Variants in NT5M observed in about 807,000 individuals in gnomAD.
NT5M encodes the protein 5',3'-nucleotidase, mitochondrial, also known as 5'(3')-deoxyribonucleotidase, mitochondrial.
NT5M carries 22 observed loss-of-function variants against 22.2 expected under a neutral mutation model. The observed-to-expected ratio is 0.99, with a 90% CI of 0.71 to 1.41. NT5M has a LOEUF of 1.41. Ranked by LOEUF, NT5M falls within the 40% of genes most tolerant of loss-of-function variation. NT5M has a pLI of 0.00. For missense variants in NT5M, 322 were observed against 314.8 expected (o/e 1.02, Z -0.17); for synonymous variants, 167 against 133.0 (o/e 1.26, Z -1.76).
intron 3 of NT5M, among the ~76,000 whole-genome samples, chr17:17,340,483 T>G (rs1199664169): frequency 6.6e-6 from 1 of 152,118 alleles, no homozygotes; most frequent in East Asian, 1.9e-4. Context: ...CATATTCATT[T>G]ATTTCTGCTC....
intron 2 of NT5M, 22 bp from the exon 3 acceptor site, chr17:17,323,163 A>G (rs1204358621): frequency 1.2e-6 from 2 of 1,612,362 alleles, no homozygotes; most frequent in South Asian, 1.1e-5. Context: ...TGCAGGCTCA[A>G]CCTCCTTTCT....
chr17:17,326,662 C>T (rs2049273349), intron 3 of NT5M, among the ~76,000 whole-genome samples: 1 of 152,170 alleles, frequency 6.6e-6, no homozygotes, highest in Non-Finnish European at 1.5e-5. Context: ...AGAGGGAGGC[C>T]CATCAGCTGA....
At chr17:17,321,504 C>G (rs961316704) in intron 2 of NT5M, among the ~76,000 whole-genome samples, 1 of 151,680 alleles carries the variant, frequency 6.6e-6, no homozygotes, top group African/African-American at 2.4e-5. Flanking sequence ...GGCTTGGAGT[C>G]TCACCCACAA....
intron 4 of NT5M, among the ~76,000 whole-genome samples, chr17:17,346,595 A>G (rs1024287792): frequency 4.6e-5 from 7 of 152,196 alleles, no homozygotes; most frequent in Non-Finnish European, 1.0e-4. Flanking sequence ...CTGTTGACTG[A>G]GCACTGGCTG....
intron 3 of NT5M, among the ~76,000 whole-genome samples, chr17:17,343,764 T>C (rs777646007): frequency 3.3e-5 from 5 of 152,144 alleles, no homozygotes; most frequent in Non-Finnish European, 7.4e-5. Flanking sequence ...CCTCCTCTGC[T>C]TAAAATCTGC....
At chr17:17,345,264 A>G (rs771245318) in intron 4 of NT5M, 8 of 1,061,844 alleles carry the variant, frequency 7.5e-6, no homozygotes, top group Non-Finnish European at 9.1e-6. Context: ...AGCAATGTGG[A>G]CTGATGCAAT....
intron 3 of NT5M, among the ~76,000 whole-genome samples, chr17:17,323,719 G>A (rs568532321): frequency 7.7e-4 from 117 of 152,318 alleles, no homozygotes; most frequent in South Asian, 3.5e-3. Flanking sequence ...CACTCATGCC[G>A]GAGGGGTCAG....
At chr17:17,314,382 T>C in intron 2 of NT5M, among the ~76,000 whole-genome samples, 1 of 152,058 alleles carries the variant, frequency 6.6e-6, no homozygotes, top group Non-Finnish European at 1.5e-5. Flanking sequence ...TGTGTGAAAA[T>C]GTGTCAGTTG....
chr17:17,317,192 G>A (rs901077956), intron 2 of NT5M, among the ~76,000 whole-genome samples: 15 of 151,626 alleles, frequency 9.9e-5, no homozygotes, highest in African/African-American at 2.7e-4. Flanking sequence ...TGAGACTACA[G>A]GTGCCTGCCA....
Position 17,323,224 on chromosome 17 carries a change from C to T in NT5M, c.408C>T (p.Phe136=). 1 of 1,614,034 alleles carries T rather than the reference C, an allele frequency of 6.2e-7. No individual in the cohort carries two copies. Among genetic ancestry groups the T allele is most frequent in the Non-Finnish European group, 8.5e-7 (1 of 1,179,890 alleles). ...VFICTSPIKM[F]KYCPYEKYAW... is the part of the protein sequence containing the mutation. ...TCTGCACAAGCCCCATCAAGATGTT[C>T]AAGTACTGTCCCTATGAGAAGGTAA... The change falls in exon 3 of 5, where the codon TTC becomes TTT. Residue 136 remains phenylalanine (F), a synonymous_variant. Coordinates refer to ENST00000389022, the MANE Select transcript of NT5M (RefSeq NM_020201.4).
At chr17:17,346,011 G>A (rs755918397) in intron 4 of NT5M, among the ~76,000 whole-genome samples, 1 of 152,160 alleles carries the variant, frequency 6.6e-6, no homozygotes, top group African/African-American at 2.4e-5. Flanking sequence ...GTTTCAGGTC[G>A]AGTCTTTTGG....
In NT5M at chr17:17,345,270, G is replaced by A. The variant is rs888690476; in HGVS notation, c.544+362G>A. The A allele has an allele frequency of 3.8e-6, 4 of 1,050,276 alleles. No individual in the cohort carries two copies. In the African/African-American group the frequency reaches 5.0e-5, roughly 13 times the overall value. 65.1% of individuals were successfully genotyped at this position (1,050,276 alleles called of 1,614,324 possible). On this transcript the variant is annotated intron_variant, in intron 4 of 4. Transcript: ENST00000389022. The stretch of plus-strand genomic sequence containing the variant: ...TCCCCCAAAAGCAATGTGGACTGAT[G>A]CAATGAATGACAGGAGGGCAGAGCA...
At chr17:17,305,413 C>CT (rs1567877233) in intron 1 of NT5M, among the ~76,000 whole-genome samples, 2 of 124,976 alleles carry the variant, frequency 1.6e-5, no homozygotes, top group African/African-American at 2.9e-5. Flanking sequence ...CCCCCGCCCC[C>CT]ACACACGTGG....
In NT5M at chr17:17,315,592, A is replaced by T. The variant is rs562758662; in HGVS notation, c.369-7593A>T. On this transcript the variant is annotated intron_variant, in intron 2 of 4. Transcript: ENST00000389022. ...AGGCCTTGCAGGCCAGGAGAGGAGC[A>T]GGTGCCAATGCCTGAGCCGGGCCAG... is the stretch of plus-strand genomic sequence containing the variant. 4.6e-5 allele frequency among the ~76,000 whole-genome samples: 7 copies of T among 150,904 alleles called. No individual in the cohort carries two copies. The South Asian group carries it at 1.5e-3, about 32-fold the overall frequency.
Position 17,346,959 on chromosome 17 carries a change from C to G in NT5M, c.*12C>G. On this transcript the variant is annotated 3_prime_UTR_variant, in exon 5 of 5. Transcript: ENST00000389022. ...AGCGGCCCTGCTGAGCTGGACTGTG[C>G]TTCGGGCTCCTCTGTGGGGCTCTGA... The G allele has an allele frequency of 6.2e-7, 1 of 1,609,892 alleles. No homozygotes were observed. The highest frequency in any genetic ancestry group is 8.5e-7 in the Non-Finnish European group (1 of 1,179,730).
At chr17:17,312,468 C>T (rs2048939349) in intron 2 of NT5M, among the ~76,000 whole-genome samples, 1 of 151,800 alleles carries the variant, frequency 6.6e-6, no homozygotes, top group South Asian at 2.1e-4. Flanking sequence ...ATGGAGAAAC[C>T]CCGTCTCTAC....
chr17:17,325,189 T>C (rs1299521037), intron 3 of NT5M, among the ~76,000 whole-genome samples: 1 of 152,182 alleles, frequency 6.6e-6, no homozygotes, highest in Non-Finnish European at 1.5e-5. Flanking sequence ...TGGGTGGCCA[T>C]GGTGGTTGAC....
intron 3 of NT5M, among the ~76,000 whole-genome samples, chr17:17,324,515 G>T (rs1009460767): frequency 7.8e-6 from 1 of 128,572 alleles, no homozygotes; most frequent in South Asian, 2.7e-4. Context: ...AAAAAAAAAA[G>T]AAATTCACAC....
intron 1 of NT5M, 173 bp downstream of exon 1, chr17:17,303,990 G>A: frequency 4.0e-6 from 5 of 1,245,440 alleles, no homozygotes; most frequent in Non-Finnish European, 5.0e-6. Flanking sequence ...ATGCGGCCCC[G>A]CGCTCAGGAT....
Sources: gnomAD v4.1 joint callset for allele counts (sites outside exome capture counted in the v4.1 genomes callset) on GRCh38, gnomAD v4.1.1 for gene constraint, MANE v1.5 for transcripts, NCBI Gene and HGNC (gene_info 2026-07-23, HGNC 2026-07-21) for gene names.